PPARGC1A: variants seen among roughly 807,000 people sequenced by gnomAD.
The protein encoded by PPARGC1A is peroxisome proliferator-activated receptor gamma coactivator 1-alpha.
PPARGC1A carries 25 observed loss-of-function variants against 88.7 expected under a neutral mutation model. That is an observed-to-expected ratio of 0.28 (90% CI 0.21 to 0.39). The LOEUF (loss-of-function observed/expected upper bound fraction) is 0.39. PPARGC1A is among the 10% of genes least tolerant of loss of function. The probability of loss-of-function intolerance (pLI) is 1.00; values close to 1 mark genes in which losing one functional copy is unlikely to be tolerated. For missense variants in PPARGC1A, 880 were observed against 968.7 expected (o/e 0.91, Z 1.22); for synonymous variants, 363 against 355.6 (o/e 1.02, Z -0.24).
At chr4:24,323,607 C>T in the PPARGC1A span, among the ~76,000 whole-genome samples, 11 of 152,302 alleles carry the variant, frequency 7.2e-5, 3 homozygotes, top group Admixed American at 7.2e-4. Context: ...CCCTATCTCC[C>T]TTCACTGACT....
chr4:24,447,521 C>T, the PPARGC1A span, among the ~76,000 whole-genome samples: 1 of 152,232 alleles, frequency 6.6e-6, no homozygotes, highest in African/African-American at 2.4e-5. Flanking sequence ...GCAGTCTCGA[C>T]CTTGCCTCTG....
the PPARGC1A span, among the ~76,000 whole-genome samples, chr4:24,205,229 G>A: frequency 3.3e-5 from 5 of 152,282 alleles, no homozygotes; most frequent in African/African-American, 1.2e-4. Context: ...TATATCTAGT[G>A]ATATTGATCC....
chr4:24,093,265 T>A, the PPARGC1A span, among the ~76,000 whole-genome samples: 1 of 152,214 alleles, frequency 6.6e-6, no homozygotes, highest in Non-Finnish European at 1.5e-5. Context: ...CAGATCCCAC[T>A]GGCTGTTTTG....
At chr4:24,257,676 C>T in the PPARGC1A span, among the ~76,000 whole-genome samples, 4 of 152,120 alleles carry the variant, frequency 2.6e-5, no homozygotes, top group African/African-American at 9.7e-5. Context: ...TGGTTGGCCT[C>T]CTCCCCCTGC....
At chr4:24,113,297 C>CATGGATGG in the PPARGC1A span, among the ~76,000 whole-genome samples, 1 of 148,736 alleles carries the variant, frequency 6.7e-6, no homozygotes, top group Non-Finnish European at 1.5e-5. Flanking sequence ...TGGATGGATG[C>CATGGATGG]ATGGATGGAT....
At chr4:24,415,675 A>C in the PPARGC1A span, among the ~76,000 whole-genome samples, 1 of 152,254 alleles carries the variant, frequency 6.6e-6, no homozygotes, top group East Asian at 1.9e-4. Context: ...GGCAATTACG[A>C]ATACATATAA....
At chr4:24,422,501 A>G in the PPARGC1A span, among the ~76,000 whole-genome samples, 1 of 152,026 alleles carries the variant, frequency 6.6e-6, no homozygotes, top group Non-Finnish European at 1.5e-5. Context: ...TTTCATTCTC[A>G]TGTTTTAAGA....
chr4:24,156,208 G>T, the PPARGC1A span, among the ~76,000 whole-genome samples: 1 of 152,076 alleles, frequency 6.6e-6, no homozygotes, highest in East Asian at 1.9e-4. Flanking sequence ...TGTATTTTGG[G>T]ATATATAACA....
chr4:24,212,671 C>T, the PPARGC1A span, among the ~76,000 whole-genome samples: 2 of 152,158 alleles, frequency 1.3e-5, no homozygotes, highest in Non-Finnish European at 1.5e-5. Context: ...AGCCAACTTG[C>T]ATAACAAACT....
chr4:24,374,219 G>C, the PPARGC1A span, among the ~76,000 whole-genome samples: 1 of 152,152 alleles, frequency 6.6e-6, no homozygotes, highest in Non-Finnish European at 1.5e-5. Flanking sequence ...ACCCAAGTTG[G>C]TATTTCTTTT....
chr4:23,879,744 C>T (rs1715541181), intron 2 of PPARGC1A, among the ~76,000 whole-genome samples: 1 of 152,288 alleles, frequency 6.6e-6, no homozygotes. Context: ...CGACTGTCAG[C>T]ATTATCACTC....
the PPARGC1A span, among the ~76,000 whole-genome samples, chr4:24,100,380 T>A: frequency 3.3e-5 from 5 of 152,196 alleles, no homozygotes; most frequent in African/African-American, 1.2e-4. Context: ...TCACTACCTC[T>A]GGAGAACTTT....
At chr4:24,170,275 T>A in the PPARGC1A span, among the ~76,000 whole-genome samples, 2 of 152,096 alleles carry the variant, frequency 1.3e-5, no homozygotes, top group Non-Finnish European at 2.9e-5. Flanking sequence ...TGTGTCTATA[T>A]CCAGTGTGAA....
the PPARGC1A span, among the ~76,000 whole-genome samples, chr4:24,217,083 T>C: frequency 6.6e-6 from 1 of 152,156 alleles, no homozygotes; most frequent in Non-Finnish European, 1.5e-5. Flanking sequence ...AATACATGCA[T>C]GTGTTGAGTT....
the PPARGC1A span, among the ~76,000 whole-genome samples, chr4:24,194,639 C>CATAT: frequency 4.7e-4 from 21 of 45,056 alleles, no homozygotes; most frequent in African/African-American, 8.7e-4. Context: ...CGCACACACA[C>CATAT]ACACACACAC....
chr4:23,896,714 G>C (rs1046778918), intron 1 of PPARGC1A, among the ~76,000 whole-genome samples: 3 of 152,006 alleles, frequency 2.0e-5, no homozygotes, highest in African/African-American at 7.3e-5. Context: ...GCCCGGGTGG[G>C]GTTAAAGAAA....
the PPARGC1A span, among the ~76,000 whole-genome samples, chr4:24,125,020 G>A: frequency 2.0e-5 from 3 of 152,034 alleles, no homozygotes; most frequent in African/African-American, 4.8e-5. Flanking sequence ...ATTAATCCAG[G>A]AAACTCCTAA....
the PPARGC1A span, among the ~76,000 whole-genome samples, chr4:24,355,488 G>A: frequency 6.6e-6 from 1 of 152,116 alleles, no homozygotes; most frequent in Non-Finnish European, 1.5e-5. Flanking sequence ...TCTGTAAATT[G>A]GATTTATAAT....
At chr4:23,870,990 A>G (rs1352491186) in intron 2 of PPARGC1A, among the ~76,000 whole-genome samples, 2 of 150,954 alleles carry the variant, frequency 1.3e-5, no homozygotes, top group African/African-American at 4.9e-5. Flanking sequence ...GAGGTCACAC[A>G]GTCCTATTGG....
Sources: gnomAD v4.1 joint callset for allele counts (sites outside exome capture counted in the v4.1 genomes callset) on GRCh38, gnomAD v4.1.1 for gene constraint, MANE v1.5 for transcripts, NCBI Gene and HGNC (gene_info 2026-07-23, HGNC 2026-07-21) for gene names.